The following RBFOX3 variants were observed in gnomAD, a reference collection of about 807,000 sequenced individuals.
The protein encoded by RBFOX3 is RNA binding protein fox-1 homolog 3.
RBFOX3 carries 17 observed loss-of-function variants against 48.7 expected under a neutral mutation model. The ratio of observed to expected loss-of-function variants is 0.35; its 90% CI spans 0.24 to 0.52. The LOEUF (loss-of-function observed/expected upper bound fraction) is 0.52. Among genes scored for constraint, RBFOX3 ranks in the 20% least tolerant of loss-of-function variants. RBFOX3 has a pLI of 0.94. For missense variants in RBFOX3, 382 were observed against 497.5 expected (o/e 0.77, Z 2.21); for synonymous variants, 212 against 209.5 (o/e 1.01, Z -0.10).
intron 4 of RBFOX3, among the ~76,000 whole-genome samples, chr17:79,171,640 TA>T (rs1275582488): frequency 2.8e-5 from 2 of 70,704 alleles, no homozygotes; most frequent in South Asian, 5.7e-4. Context: ...TTTTATAAAT[TA>T]AAAAAAAAAT....
At chr17:79,120,315 T>C (rs909520189) in intron 4 of RBFOX3, among the ~76,000 whole-genome samples, 2 of 152,098 alleles carry the variant, frequency 1.3e-5, no homozygotes, top group Non-Finnish European at 2.9e-5. Context: ...TACGTATGTA[T>C]GCATGGATGG....
intron 1 of RBFOX3, chr17:79,598,599 G>A (rs1339196369): frequency 6.6e-6 from 1 of 152,026 alleles, no homozygotes; most frequent in Non-Finnish European, 1.5e-5. Flanking sequence ...CTCCACAGAG[G>A]AGCATAAACA....
chr17:79,097,896 C>T (rs956987497), intron 9 of RBFOX3, 151 bp from the exon 10 acceptor site: 10 of 729,788 alleles, frequency 1.4e-5, no homozygotes, highest in Admixed American at 6.7e-5. Context: ...CCACACTGCC[C>T]GGACAAGTGC....
At chr17:79,277,810 C>A (rs535269888) in intron 3 of RBFOX3, among the ~76,000 whole-genome samples, 1 of 152,204 alleles carries the variant, frequency 6.6e-6, no homozygotes, top group African/African-American at 2.4e-5. Context: ...TCGGAGACAG[C>A]GTGTGCAAAC....
chr17:79,201,618 G>A (rs568358706), intron 4 of RBFOX3, among the ~76,000 whole-genome samples: 1 of 152,288 alleles, frequency 6.6e-6, no homozygotes, highest in South Asian at 2.1e-4. Flanking sequence ...CTCTCTCTTT[G>A]TATTTTCTGG....
chr17:79,164,910 G>A (rs1441601379), intron 4 of RBFOX3, among the ~76,000 whole-genome samples: 3 of 152,220 alleles, frequency 2.0e-5, no homozygotes, highest in Non-Finnish European at 2.9e-5. Context: ...AATCACCCAA[G>A]GGACCCAGCG....
At chr17:79,550,152 G>C (rs1299588768) in intron 1 of RBFOX3, among the ~76,000 whole-genome samples, 2 of 152,180 alleles carry the variant, frequency 1.3e-5, no homozygotes, top group Admixed American at 1.3e-4. Context: ...GAGAGGTCAG[G>C]CAGGAACACA....
chr17:79,132,219 ACTCAGG>A (rs374835833), intron 4 of RBFOX3, among the ~76,000 whole-genome samples: 49 of 126,178 alleles, frequency 3.9e-4, no homozygotes, highest in African/African-American at 1.4e-3. Context: ...CTGAGGTCAG[ACTCAGG>A]CACAGAGCCC....
At chr17:79,235,992 T>C (rs1168076793) in intron 3 of RBFOX3, among the ~76,000 whole-genome samples, 187 bp from the exon 4 acceptor site, 1 of 152,160 alleles carries the variant, frequency 6.6e-6, no homozygotes. Context: ...CAAGCATGGC[T>C]GGGAGGCGGC....
chr17:79,616,626 C>T, the RBFOX3 span, among the ~76,000 whole-genome samples: 3 of 151,094 alleles, frequency 2.0e-5, no homozygotes, highest in Non-Finnish European at 2.9e-5. Flanking sequence ...TACTTCCCCA[C>T]TACTGCCAGG....
chr17:79,615,613 G>A (rs919462653), upstream of RBFOX3, among the ~76,000 whole-genome samples: 3 of 152,162 alleles, frequency 2.0e-5, no homozygotes, highest in Admixed American at 6.5e-5. Context: ...CTCTGTGCCC[G>A]GCCGGCTCGG....
At chr17:79,210,263 GTTT>G (rs2058197684) in intron 4 of RBFOX3, among the ~76,000 whole-genome samples, 1 of 152,180 alleles carries the variant, frequency 6.6e-6, no homozygotes, top group Admixed American at 6.5e-5. Context: ...TTTCTTCAGT[GTTT>G]TTTCAGAGTT....
At chr17:79,373,897 C>T (rs1169394314) in intron 2 of RBFOX3, among the ~76,000 whole-genome samples, 2 of 150,050 alleles carry the variant, frequency 1.3e-5, no homozygotes, top group Non-Finnish European at 3.0e-5. Context: ...TCACTCTTGT[C>T]GCCCAGGCTG....
chr17:79,156,517 G>A (rs570429579), intron 4 of RBFOX3, among the ~76,000 whole-genome samples: 12 of 152,260 alleles, frequency 7.9e-5, no homozygotes, highest in South Asian at 2.1e-4. Flanking sequence ...CCTCTTCCAC[G>A]TCTCCAGTTG....
rs889326685 is a variant in RBFOX3, at chr17:79,390,432, G to A, written c.-174-82608C>T. Among the ~76,000 whole-genome samples, 2 of 151,572 alleles carry A rather than the reference G, an allele frequency of 1.3e-5. No homozygotes were observed. On this transcript the variant is annotated intron_variant, in intron 2 of 14. Coordinates refer to ENST00000693108, the MANE Select transcript of RBFOX3 (RefSeq NM_001350451.2). The surrounding 1 kb of genome is among the most constrained non-coding windows in gnomAD (Gnocchi z 4.2). ...TCTGCCCACTTTGGTGCTGGAAAAT[G>A]CACTCAGAGTCCAACCGGCGTGGAA... is the stretch of plus-strand genomic sequence containing the variant.
intron 4 of RBFOX3, among the ~76,000 whole-genome samples, chr17:79,184,962 C>T (rs2053094476): frequency 1.3e-5 from 2 of 152,346 alleles, no homozygotes; most frequent in Middle Eastern, 3.4e-3. Flanking sequence ...GACACGTGGC[C>T]TGAGGGCCAT....
intron 2 of RBFOX3, among the ~76,000 whole-genome samples, chr17:79,326,201 C>T (rs2079296921): frequency 6.6e-6 from 1 of 152,194 alleles, no homozygotes; most frequent in Non-Finnish European, 1.5e-5. Flanking sequence ...TGGTGGGCCC[C>T]TCCACCTGCC....
chr17:79,116,914 G>A (rs967047030), intron 4 of RBFOX3, among the ~76,000 whole-genome samples: 1 of 152,230 alleles, frequency 6.6e-6, no homozygotes, highest in East Asian at 1.9e-4. Context: ...GGTGGGCAAT[G>A]CGGGTTCCAG....
At chr17:79,348,895 A>T (rs2083377852) in intron 2 of RBFOX3, among the ~76,000 whole-genome samples, 2 of 151,038 alleles carry the variant, frequency 1.3e-5, no homozygotes, top group African/African-American at 2.4e-5. Context: ...TTTTTCAATC[A>T]TAATGTGTCC....
Sources: allele counts gnomAD v4.1 joint callset (sites outside exome capture counted in the v4.1 genomes callset), GRCh38; gene constraint gnomAD v4.1.1; non-coding constraint Gnocchi (gnomAD v3.1); transcripts MANE v1.5; gene names NCBI Gene and HGNC (gene_info 2026-07-23, HGNC 2026-07-21).